Variants in CNTNAP3B observed in about 807,000 individuals in gnomAD.
CNTNAP3B encodes the protein contactin-associated protein-like 3B.
CNTNAP3B carries 25 observed loss-of-function variants against 108.9 expected under a neutral mutation model. The ratio of observed to expected loss-of-function variants is 0.23; its 90% CI spans 0.17 to 0.32. CNTNAP3B has a LOEUF of 0.32. Among genes scored for constraint, CNTNAP3B ranks in the 10% least tolerant of loss-of-function variants. The probability of loss-of-function intolerance (pLI) is 1.00; values close to 1 mark genes in which losing one functional copy is unlikely to be tolerated. For missense variants in CNTNAP3B, 252 were observed against 1,210.4 expected (o/e 0.21, Z 11.75); for synonymous variants, 103 against 473.4 (o/e 0.22, Z 10.16).
intron 3 of CNTNAP3B, among the ~76,000 whole-genome samples, chr9:42,016,838 A>G (rs2118428008): frequency 6.7e-6 from 1 of 149,858 alleles, no homozygotes; most frequent in Admixed American, 6.6e-5. Flanking sequence ...TCTTGGTAAG[A>G]ATTAAACTAG....
At chr9:42,118,746 G>A (rs1828382420) in intron 1 of CNTNAP3B, among the ~76,000 whole-genome samples, 1 of 115,746 alleles carries the variant, frequency 8.6e-6, no homozygotes, top group South Asian at 2.9e-4. Context: ...GTCCCTGTTT[G>A]CAGATGACAT....
chr9:41,925,311 C>T (rs1401813859), intron 15 of CNTNAP3B, among the ~76,000 whole-genome samples: 1 of 152,180 alleles, frequency 6.6e-6, no homozygotes, highest in Non-Finnish European at 1.5e-5. Context: ...TAGCTTTTCT[C>T]GGCTAGGCGC....
At chr9:41,959,464 C>G (rs1457731129) in intron 12 of CNTNAP3B, among the ~76,000 whole-genome samples, 1 of 152,298 alleles carries the variant, frequency 6.6e-6, no homozygotes, top group East Asian at 1.9e-4. Flanking sequence ...CCCTAACCAA[C>G]TTTTCTGAGC....
chr9:42,121,427 T>A lies in CNTNAP3B; in HGVS notation c.85+7583A>T, dbSNP rs1266418311. ...TTCCAGAATGGAATGTGGGCAGTATTCTAAAATACTAAATAAAATGCAATA... is the reference window on the plus strand; with the variant it reads ...TTCCAGAATGGAATGTGGGCAGTATACTAAAATACTAAATAAAATGCAATA... On this transcript the variant is annotated intron_variant, in intron 1 of 23. Transcript: ENST00000377561. Among the ~76,000 whole-genome samples the A allele has an allele frequency of 3.7e-4, 51 of 138,564 alleles. 4 individuals are homozygous for A. Among genetic ancestry groups the A allele is most frequent in the African/African-American group, 1.4e-3 (48 of 34,892 alleles). The allele number at this position is 138,564 out of a possible 152,430, so 90.9% of individuals were successfully genotyped here. A position where few individuals can be genotyped will look rare whatever the true frequency, so the allele number is the denominator to read the frequency against.
At chr9:41,988,602 A>C (rs1825752590) in intron 8 of CNTNAP3B, among the ~76,000 whole-genome samples, 1 of 148,474 alleles carries the variant, frequency 6.7e-6, no homozygotes, top group South Asian at 2.1e-4. Flanking sequence ...GAAAGCAGGC[A>C]AATGATTATT....
intron 3 of CNTNAP3B, among the ~76,000 whole-genome samples, chr9:42,036,396 C>T (rs1380737881): frequency 7.1e-6 from 1 of 140,116 alleles, no homozygotes; most frequent in Non-Finnish European, 1.5e-5. Flanking sequence ...TCTCCAACTT[C>T]TTTTTTCACT....
rs565338583 is a variant in CNTNAP3B at position 42,044,518 on chromosome 9, G to T, written c.391-30993C>A. Among the ~76,000 whole-genome samples the T allele has an allele frequency of 6.2e-3, 657 of 105,250 alleles. 30 individuals are homozygous for T. Among genetic ancestry groups the T allele is most frequent in the African/African-American group, 0.022 (621 of 28,008 alleles). The allele number at this position is 105,250 out of a possible 152,430, so 69.0% of individuals were successfully genotyped here. ...CAGTTAGTGCCTTTTTCATTCATTT[G>T]TCCAGGATGTTTATTAAACCAGAAC... On this transcript the variant is annotated intron_variant, in intron 3 of 23. Coordinates refer to ENST00000377561, the MANE Select transcript of CNTNAP3B (RefSeq NM_001201380.3).
At chr9:42,122,737 T>A (rs1203481335) in intron 1 of CNTNAP3B, among the ~76,000 whole-genome samples, 1 of 137,822 alleles carries the variant, frequency 7.3e-6, no homozygotes, top group African/African-American at 2.9e-5. Context: ...GAAACCCAAC[T>A]GGGAGACACC....
intron 1 of CNTNAP3B, among the ~76,000 whole-genome samples, chr9:42,128,032 C>T (rs865982835): frequency 2.5e-4 from 35 of 138,396 alleles, no homozygotes; most frequent in African/African-American, 9.8e-4. Context: ...CAGGGAGATG[C>T]CACTGAAAGA....
At chr9:41,931,090 C>A (rs1365599958) in intron 14 of CNTNAP3B, among the ~76,000 whole-genome samples, 4 of 152,268 alleles carry the variant, frequency 2.6e-5, no homozygotes, top group African/African-American at 7.2e-5. Flanking sequence ...GTTCTCAAAC[C>A]TTCTTTTGTA....
intron 1 of CNTNAP3B, among the ~76,000 whole-genome samples, chr9:42,110,337 C>T (rs1237252008): frequency 2.9e-5 from 4 of 137,082 alleles, no homozygotes; most frequent in African/African-American, 8.8e-5. Context: ...TTGCTCCTCA[C>T]TGTGAAAGGA....
intron 3 of CNTNAP3B, among the ~76,000 whole-genome samples, chr9:42,030,748 T>TAGAGAGAGAGAGAGAGAGAGAGAGAG (rs1826500262): frequency 1.4e-4 from 1 of 7,280 alleles, no homozygotes; most frequent in Non-Finnish European, 2.9e-4. Flanking sequence ...GAGAAAGAGA[T>TAGAGAGAGAGAGAGAGAGAGAGAGAG]ACAGAGAGAG....
rs1206990499 is a variant in CNTNAP3B, at chr9:41,993,333, C to T, written c.1072-1462G>A. On this transcript the variant is annotated intron_variant, in intron 7 of 23. Coordinates refer to ENST00000377561, the MANE Select transcript of CNTNAP3B (RefSeq NM_001201380.3). ...AATCACATTTTTAAAAAATTTTGTCCCAACATACTTTAGAAATGGATATAA... is the reference window on the plus strand; with the variant it reads ...AATCACATTTTTAAAAAATTTTGTCTCAACATACTTTAGAAATGGATATAA... 1.6e-5 allele frequency: 2 copies of T among 122,938 alleles called. 1 individual carries two copies. The highest frequency in any genetic ancestry group is 6.6e-5 in the African/African-American group (2 of 30,138). 7.6% of individuals were successfully genotyped at this position (122,938 alleles called of 1,614,324 possible).
rs1213383495 is a variant in CNTNAP3B at position 41,933,577 on chromosome 9, G to T, written c.2238-4133C>A. 7.9e-5 allele frequency among the ~76,000 whole-genome samples: 12 copies of T among 152,388 alleles called. No individual in the cohort carries two copies. The South Asian group carries it at 2.1e-3, about 26-fold the overall frequency. ...AGGTGTGTAATGGTAATTATTTTAC[G>T]ATTTTATAGAAATTCAAGTAATTCC... is the stretch of plus-strand genomic sequence containing the variant. On this transcript the variant is annotated intron_variant, in intron 14 of 23. Transcript: ENST00000377561.
At position 42,128,172 on chromosome 9, in the gene CNTNAP3B, GT is replaced by G. The variant is rs1258999324; in HGVS notation, c.85+837del. Among the ~76,000 whole-genome samples the G allele has an allele frequency of 3.6e-5, 5 of 138,786 alleles. 2 individuals are homozygous for G. The highest frequency in any genetic ancestry group is 1.4e-4 in the African/African-American group (5 of 34,518). The allele number at this position is 138,786 out of a possible 152,430, so 91.0% of individuals were successfully genotyped here. A position where few individuals can be genotyped will look rare whatever the true frequency, so the allele number is the denominator to read the frequency against. On this transcript the variant is annotated intron_variant, in intron 1 of 23. Coordinates refer to ENST00000377561, the MANE Select transcript of CNTNAP3B (RefSeq NM_001201380.3). The stretch of plus-strand genomic sequence containing the variant: ...CCAAGCCGAAAAAAAAATGTGCAAT[GT>G]TGTGTAAACATTTTTATGTGTGATA...
At chr9:42,054,838 T>C (rs1827031151) in intron 3 of CNTNAP3B, among the ~76,000 whole-genome samples, 1 of 150,220 alleles carries the variant, frequency 6.7e-6, no homozygotes, top group Admixed American at 6.6e-5. Context: ...TGTTTTTTAA[T>C]CTAATAAGCT....
chr9:41,944,150 T>A (rs1445967061), intron 13 of CNTNAP3B, among the ~76,000 whole-genome samples: 1 of 148,826 alleles, frequency 6.7e-6, no homozygotes, highest in African/African-American at 2.5e-5. Flanking sequence ...ATTGAGGAAA[T>A]CTTTCTCCAG....
chr9:42,010,384 G>A (rs1826111779), intron 4 of CNTNAP3B, among the ~76,000 whole-genome samples: 1 of 149,138 alleles, frequency 6.7e-6, no homozygotes, highest in Non-Finnish European at 1.5e-5. Context: ...CATGCAAGGT[G>A]TAATTTGGAG....
chr9:41,918,064 G>T (rs1184957931), intron 18 of CNTNAP3B, among the ~76,000 whole-genome samples: 4 of 152,250 alleles, frequency 2.6e-5, no homozygotes, highest in Non-Finnish European at 5.9e-5. Flanking sequence ...ATTTTTACTA[G>T]TTATGCCTGT....
Sources: allele counts gnomAD v4.1 joint callset (sites outside exome capture counted in the v4.1 genomes callset), GRCh38; gene constraint gnomAD v4.1.1; transcripts MANE v1.5; gene names NCBI Gene and HGNC (gene_info 2026-07-23, HGNC 2026-07-21).